SDK2: variants seen among roughly 807,000 people sequenced by gnomAD.
The protein encoded by SDK2 is sidekick cell adhesion molecule 2.
SDK2 carries 105 observed loss-of-function variants against 253.9 expected under a neutral mutation model. The ratio of observed to expected loss-of-function variants is 0.41; its 90% CI spans 0.35 to 0.49. The LOEUF (loss-of-function observed/expected upper bound fraction) is 0.49. Ranked by LOEUF, SDK2 falls within the 20% of genes least tolerant of loss-of-function variation. SDK2 has a pLI of 0.06. For missense variants in SDK2, 2,608 were observed against 3,003.0 expected (o/e 0.87, Z 3.07); for synonymous variants, 1,249 against 1,234.9 (o/e 1.01, Z -0.24).
intron 1 of SDK2, among the ~76,000 whole-genome samples, chr17:73,583,581 G>T (rs752973879): frequency 3.3e-5 from 5 of 152,232 alleles, no homozygotes; most frequent in Non-Finnish European, 7.3e-5. Context: ...AAAGTTAGAA[G>T]GGCCACCCTG....
intron 1 of SDK2, among the ~76,000 whole-genome samples, chr17:73,564,519 A>G (rs1380565011): frequency 6.6e-6 from 1 of 152,136 alleles, no homozygotes; most frequent in African/African-American, 2.4e-5. Context: ...CTCCCTCCCC[A>G]TGACATTAAA....
Position 73,394,332 on chromosome 17 carries a change from G to T in SDK2, c.3593-8C>A, listed in dbSNP as rs1296348350. 3 of 1,555,724 alleles carry T rather than the reference G, an allele frequency of 1.9e-6. No homozygotes were observed. The highest frequency in any genetic ancestry group is 2.6e-6 in the Non-Finnish European group (3 of 1,145,020). On this transcript the variant is annotated splice_region_variant and splice_polypyrimidine_tract_variant and intron_variant, in intron 25 of 44. Transcript: ENST00000392650. Reference sequence around the variant, plus strand: ...TGGGGCCGGAAGAGGGAACTGTGGGGGAAAGGGAGTGGAGAGAAGGCACTC... The same window carrying T: ...TGGGGCCGGAAGAGGGAACTGTGGGTGAAAGGGAGTGGAGAGAAGGCACTC...
intron 1 of SDK2, among the ~76,000 whole-genome samples, chr17:73,533,120 C>A (rs143176960): frequency 1.3e-5 from 2 of 152,182 alleles, no homozygotes; most frequent in Admixed American, 6.5e-5. Flanking sequence ...CCCTACGGGA[C>A]GCAGGCAGTG....
chr17:73,501,759 G>T (rs1410915975), intron 2 of SDK2, among the ~76,000 whole-genome samples: 1 of 152,208 alleles, frequency 6.6e-6, no homozygotes, highest in Non-Finnish European at 1.5e-5. Flanking sequence ...CAGACACCTT[G>T]AATAATCCTA....
chr17:73,396,548 C>T (rs1048270785), intron 24 of SDK2, among the ~76,000 whole-genome samples: 5 of 152,166 alleles, frequency 3.3e-5, no homozygotes, highest in Admixed American at 2.0e-4. Context: ...TTAGTGAAGC[C>T]GACCAAAGAC....
At chr17:73,492,344 G>A (rs961085062) in intron 2 of SDK2, among the ~76,000 whole-genome samples, 2 of 152,172 alleles carry the variant, frequency 1.3e-5, no homozygotes, top group Admixed American at 1.3e-4. Context: ...ACCTCACTGT[G>A]CACTCCCAGG....
intron 1 of SDK2, among the ~76,000 whole-genome samples, chr17:73,637,760 T>A (rs1198288149): frequency 1.3e-5 from 2 of 152,222 alleles, no homozygotes; most frequent in Non-Finnish European, 2.9e-5. Context: ...AAATGGTACA[T>A]CCATGTATGA....
intron 1 of SDK2, among the ~76,000 whole-genome samples, chr17:73,586,603 G>GGGGTC (rs2045606493): frequency 6.6e-6 from 1 of 151,756 alleles, no homozygotes; most frequent in African/African-American, 2.4e-5. Flanking sequence ...TGGACTGCAG[G>GGGGTC]GGGTGGGTGG....
At chr17:73,495,912 C>T (rs970605997) in intron 2 of SDK2, among the ~76,000 whole-genome samples, 4 of 152,212 alleles carry the variant, frequency 2.6e-5, no homozygotes, top group African/African-American at 7.2e-5. Context: ...TCAATTTATG[C>T]CCATCATAAC....
At chr17:73,527,007 G>T (rs1393961465) in intron 1 of SDK2, among the ~76,000 whole-genome samples, 1 of 152,254 alleles carries the variant, frequency 6.6e-6, no homozygotes, top group Non-Finnish European at 1.5e-5. Flanking sequence ...TCACAAGCTG[G>T]CCTGAGAGAT....
At chr17:73,373,403 G>A (rs1180412124) in intron 36 of SDK2, among the ~76,000 whole-genome samples, 2 of 152,182 alleles carry the variant, frequency 1.3e-5, no homozygotes, top group Non-Finnish European at 2.9e-5. Flanking sequence ...CTGGATCATT[G>A]GAGTTCTATT....
In SDK2 at chr17:73,383,953, T is replaced by A. The variant is rs1398160253; in HGVS notation, c.4628A>T (p.Glu1543Val). The change falls in exon 33 of 45, where the codon GAG becomes GTG. Residue 1543 changes from glutamate (E) to valine (V), a missense_variant. This residue lies in a region of SDK2 where 1,103 missense variants were observed against 1,143.9 expected (regional missense o/e 0.96). Coordinates refer to ENST00000392650, the MANE Select transcript of SDK2 (RefSeq NM_001144952.2). This position sits in a 1 kb window ranked among gnomAD's most constrained non-coding sequence, Gnocchi z 4.3. Reference sequence around the variant, plus strand: ...GCCCCTCAGTCCTTCATAGAGCAGCTCCCGGTATCGGATCCGGAAGCCCAG... The same window carrying A: ...GCCCCTCAGTCCTTCATAGAGCAGCACCCGGTATCGGATCCGGAAGCCCAG... ...ILLGFRIRYR[E>V]LLYEGLRGFT... 6.2e-7 allele frequency: 1 copy of A among 1,613,766 alleles called. No individual in the cohort carries two copies. Among genetic ancestry groups the A allele is most frequent in the Non-Finnish European group, 8.5e-7 (1 of 1,179,850 alleles).
chr17:73,388,916 T>TC lies in SDK2; in HGVS notation c.4193-880_4193-879insG, dbSNP rs1568377695. On this transcript the variant is annotated intron_variant, in intron 29 of 44. Transcript: ENST00000392650. ...TCCCTCCCTCCCTCCCTCCCTCCCTTTTTCCCCCCTTCCCTCCCCTCCCTT... is the reference window on the plus strand; with the variant it reads ...TCCCTCCCTCCCTCCCTCCCTCCCTTCTTTCCCCCCTTCCCTCCCCTCCCTT... Among the ~76,000 whole-genome samples the TC allele has an allele frequency of 4.8e-4, 25 of 51,856 alleles. 1 individual carries two copies. The highest frequency in any genetic ancestry group is 1.9e-3 in the East Asian group (2 of 1,080). The allele number at this position is 51,856 out of a possible 152,430, so 34.0% of individuals were successfully genotyped here.
At position 73,361,207 on chromosome 17, in the gene SDK2, C is replaced by T. The variant is rs2279731; in HGVS notation, c.5467+477G>A. ...CCTCAGCCCCAGGAAATCAACCCCT[C>T]GGAGCATCCACCCTGGGAACGTGCA... On this transcript the variant is annotated intron_variant, in intron 39 of 44. Coordinates refer to ENST00000392650, the MANE Select transcript of SDK2 (RefSeq NM_001144952.2). The surrounding 1 kb of genome is among the most constrained non-coding windows in gnomAD (Gnocchi z 4.1). Among the ~76,000 whole-genome samples the T allele has an allele frequency of 2.0e-5, 3 of 151,980 alleles. No homozygotes were observed. Among genetic ancestry groups the T allele is most frequent in the African/African-American group, 2.4e-5 (1 of 41,434 alleles).
rs540652937 is a variant in SDK2 at position 73,639,744 on chromosome 17, G to A, written c.64+4281C>T. On this transcript the variant is annotated intron_variant, in intron 1 of 44. Coordinates refer to ENST00000392650, the MANE Select transcript of SDK2 (RefSeq NM_001144952.2). This position sits in a 1 kb window ranked among gnomAD's most constrained non-coding sequence, Gnocchi z 4.3. ...ACAGGGAGAGGGTTCCAGCCAATCA[G>A]AGGACCCCTTCAACCACAGCCAGAT... Among the ~76,000 whole-genome samples, 25 of 152,164 alleles carry A rather than the reference G, an allele frequency of 1.6e-4. No homozygotes were observed. Among genetic ancestry groups the A allele is most frequent in the Non-Finnish European group, 3.4e-4 (23 of 68,024 alleles).
At chr17:73,589,744 G>A (rs1420434256) in intron 1 of SDK2, among the ~76,000 whole-genome samples, 1 of 152,226 alleles carries the variant, frequency 6.6e-6, no homozygotes, top group Non-Finnish European at 1.5e-5. Context: ...GCAGACAAGA[G>A]AGCAATAAGC....
intron 2 of SDK2, among the ~76,000 whole-genome samples, chr17:73,500,535 C>T (rs887654530): frequency 2.0e-5 from 3 of 148,598 alleles, no homozygotes; most frequent in Non-Finnish European, 4.5e-5. Flanking sequence ...CTCCATCCAT[C>T]CCCCCTCAGT....
At chr17:73,536,247 C>G (rs1403853059) in intron 1 of SDK2, among the ~76,000 whole-genome samples, 27 of 152,188 alleles carry the variant, frequency 1.8e-4, no homozygotes, top group Non-Finnish European at 1.5e-5. Context: ...CCCTAGAGGC[C>G]ATCCTTTAAG....
chr17:73,436,413 C>T (rs779683890), intron 8 of SDK2, among the ~76,000 whole-genome samples: 1 of 151,852 alleles, frequency 6.6e-6, no homozygotes, highest in Non-Finnish European at 1.5e-5. Context: ...CCTGTCTCTA[C>T]TAAAAATACA....
Sources: allele counts gnomAD v4.1 joint callset (sites outside exome capture counted in the v4.1 genomes callset), GRCh38; gene constraint gnomAD v4.1.1; regional missense constraint gnomAD v4.1.1; non-coding constraint Gnocchi (gnomAD v3.1); transcripts MANE v1.5; gene names NCBI Gene and HGNC (gene_info 2026-07-23, HGNC 2026-07-21).